The following AIM2 variants were observed in gnomAD, a reference collection of about 807,000 sequenced individuals.
AIM2 encodes the protein interferon-inducible protein AIM2.
AIM2 carries 30 observed loss-of-function variants against 27.7 expected under a neutral mutation model. The observed-to-expected ratio is 1.08, with a 90% CI of 0.81 to 1.47. AIM2 has a LOEUF of 1.47. Ranked by LOEUF, AIM2 falls within the 40% of genes most tolerant of loss-of-function variation. The pLI is 0.00. For synonymous variants in AIM2, 141 were observed against 145.3 expected (o/e 0.97, Z 0.21); for missense variants, 358 against 411.3 (o/e 0.87, Z 1.12).
At chr1:159,113,612 T>C (rs1379640458) in intron 1 of AIM2, among the ~76,000 whole-genome samples, 2 of 152,240 alleles carry the variant, frequency 1.3e-5, no homozygotes, top group Non-Finnish European at 2.9e-5. Flanking sequence ...ATACCAGCCC[T>C]TCTTTCCATC....
chr1:159,061,134 C>T (rs1201198672), downstream of AIM2, among the ~76,000 whole-genome samples: 2 of 152,150 alleles, frequency 1.3e-5, no homozygotes, highest in East Asian at 3.8e-4. Context: ...CAGCAGTGCA[C>T]AAGAGTTTCA....
In AIM2 at chr1:159,124,594, G is replaced by A. The variant is rs552433815; in HGVS notation, c.-16+15837C>T. Among the ~76,000 whole-genome samples the A allele has an allele frequency of 3.3e-5, 5 of 152,320 alleles. No homozygotes were observed. The South Asian group carries it at 8.3e-4, about 25-fold the overall frequency. ...ATGCAAACAGGAACTGAAACGTAAG[G>A]CTCCTAATATCTTTCTTCATGTGGC... On this transcript the variant is annotated intron_variant, in intron 1 of 2. Coordinates refer to the AIM2 transcript ENST00000368129.
At chr1:159,110,690 A>G (rs1657549549) in intron 1 of AIM2, among the ~76,000 whole-genome samples, 1 of 152,210 alleles carries the variant, frequency 6.6e-6, no homozygotes, top group South Asian at 2.1e-4. Flanking sequence ...TTTGCCTAAA[A>G]TCATAGTTAG....
intron 1 of AIM2, among the ~76,000 whole-genome samples, chr1:159,085,468 T>C (rs1433916050): frequency 1.3e-5 from 2 of 150,870 alleles, no homozygotes; most frequent in African/African-American, 4.9e-5. Flanking sequence ...CAAGGAGGAG[T>C]AGGTCAAAGT....
chr1:159,124,200 T>TA (rs1647620748), intron 1 of AIM2, among the ~76,000 whole-genome samples: 13 of 151,432 alleles, frequency 8.6e-5, no homozygotes, highest in Admixed American at 2.0e-4. Context: ...ATCTCTTTTT[T>TA]TAAAAAAAAT....
chr1:159,070,638 C>T (rs1008254117), intron 2 of AIM2, among the ~76,000 whole-genome samples: 4 of 152,238 alleles, frequency 2.6e-5, no homozygotes, highest in Non-Finnish European at 5.9e-5. Flanking sequence ...AAAAGAGAAA[C>T]GATTTAATTA....
At chr1:159,094,199 G>A (rs1657118446) in intron 1 of AIM2, among the ~76,000 whole-genome samples, 1 of 152,148 alleles carries the variant, frequency 6.6e-6, no homozygotes, top group Non-Finnish European at 1.5e-5. Context: ...CAGAAATAAT[G>A]ATAACACTCT....
the AIM2 span, among the ~76,000 whole-genome samples, chr1:159,057,201 G>A: frequency 6.6e-6 from 1 of 152,132 alleles, no homozygotes; most frequent in Admixed American, 6.5e-5. Flanking sequence ...GGAGCCTAGG[G>A]GATACCCATG....
chr1:159,106,619 C>A (rs1049454291), intron 1 of AIM2, among the ~76,000 whole-genome samples: 2 of 152,224 alleles, frequency 1.3e-5, no homozygotes, highest in Non-Finnish European at 2.9e-5. Context: ...CACTAGGACA[C>A]CACTGACATC....
chr1:159,145,122 C>T (rs544445661), upstream of AIM2, among the ~76,000 whole-genome samples: 1 of 152,256 alleles, frequency 6.6e-6, no homozygotes, highest in East Asian at 1.9e-4. Flanking sequence ...GGTCTTTCCT[C>T]CTGTGAGTAC....
chr1:159,089,703 A>C (rs1657003650), intron 1 of AIM2, among the ~76,000 whole-genome samples: 2 of 152,152 alleles, frequency 1.3e-5, no homozygotes, highest in East Asian at 3.9e-4. Flanking sequence ...AAAAATGGCC[A>C]CTCAAAACAT....
upstream of AIM2, among the ~76,000 whole-genome samples, chr1:159,080,638 C>T (rs111606096): frequency 1.8e-3 from 270 of 152,310 alleles, 1 homozygote; most frequent in African/African-American, 6.1e-3. Context: ...GCCTCACCCC[C>T]AGCATTTCTG....
intron 1 of AIM2, among the ~76,000 whole-genome samples, chr1:159,084,526 C>A (rs1461833207): frequency 6.6e-6 from 1 of 152,128 alleles, no homozygotes; most frequent in Non-Finnish European, 1.5e-5. Context: ...AATTCTAGCA[C>A]TTTGGGAGGC....
chr1:159,056,546 T>C, the AIM2 span, among the ~76,000 whole-genome samples: 1 of 151,884 alleles, frequency 6.6e-6, no homozygotes, highest in East Asian at 1.9e-4. Context: ...AATGGGCCAT[T>C]GTCCGCCTCT....
chr1:159,126,523 C>A (rs1173098678), intron 1 of AIM2, among the ~76,000 whole-genome samples: 1 of 151,722 alleles, frequency 6.6e-6, no homozygotes, highest in Non-Finnish European at 1.5e-5. Context: ...GTGGCGGGTG[C>A]CTGTAGTCCC....
chr1:159,071,305 G>A (rs548683340), intron 2 of AIM2, among the ~76,000 whole-genome samples: 1 of 152,322 alleles, frequency 6.6e-6, no homozygotes, highest in African/African-American at 2.4e-5. Context: ...TGGCAATGGA[G>A]AAGGATCACT....
In AIM2 at chr1:159,096,884, G is replaced by A. The variant is rs138564326; in HGVS notation, c.-15-30555C>T. On this transcript the variant is annotated intron_variant, in intron 1 of 2. Transcript: ENST00000368129. Reference sequence around the variant, plus strand: ...TACAGAGACTAAACTGGCCTTTAGCGACAAAAACAAACAAAAAGTATTCCC... The same window carrying A: ...TACAGAGACTAAACTGGCCTTTAGCAACAAAAACAAACAAAAAGTATTCCC... Among the ~76,000 whole-genome samples the A allele has an allele frequency of 3.4e-3, 512 of 152,162 alleles. 2 individuals are homozygous for A. The highest frequency in any genetic ancestry group is 0.02 in the Middle Eastern group (6 of 294).
At chr1:159,124,359 A>G (rs1647629689) in intron 1 of AIM2, among the ~76,000 whole-genome samples, 1 of 152,250 alleles carries the variant, frequency 6.6e-6, no homozygotes, top group African/African-American at 2.4e-5. Context: ...AAAAACAAAT[A>G]GTAATATTCG....
chr1:159,145,011 T>C (rs2102062861), upstream of AIM2, among the ~76,000 whole-genome samples: 1 of 152,310 alleles, frequency 6.6e-6, no homozygotes, highest in South Asian at 2.1e-4. Context: ...TCCACATCTA[T>C]TGTGAGCACA....
Sources: allele counts gnomAD v4.1 joint callset (sites outside exome capture counted in the v4.1 genomes callset), GRCh38; gene constraint gnomAD v4.1.1; transcripts MANE v1.5; gene names NCBI Gene and HGNC (gene_info 2026-07-23, HGNC 2026-07-21).